Variants in MUC13 observed in about 807,000 individuals in gnomAD.
MUC13 encodes mucin-13.
MUC13 carries 32 observed loss-of-function variants against 48.3 expected under a neutral mutation model. That is an observed-to-expected ratio of 0.66 (90% CI 0.50 to 0.89). MUC13 has a LOEUF of 0.89. Ranked by LOEUF, MUC13 falls within the 40% of genes least tolerant of loss-of-function variation. The pLI is 0.00. For missense variants in MUC13, 571 were observed against 622.8 expected (o/e 0.92, Z 0.88); for synonymous variants, 199 against 224.9 (o/e 0.88, Z 1.03).
At chr3:124,908,717 TC>T (rs1306962364) in intron 10 of MUC13, among the ~76,000 whole-genome samples, 1 of 152,236 alleles carries the variant, frequency 6.6e-6, no homozygotes, top group Non-Finnish European at 1.5e-5. Context: ...TCAATGCTGA[TC>T]CAACATAACA....
chr3:124,910,923 A>G (rs1211314889), intron 9 of MUC13, among the ~76,000 whole-genome samples: 2 of 152,162 alleles, frequency 1.3e-5, no homozygotes, highest in Non-Finnish European at 2.9e-5. Flanking sequence ...TGGCTTGATA[A>G]TAACATCAAT....
chr3:124,908,338 T>C lies in MUC13; in HGVS notation c.1348A>G (p.Lys450Glu), dbSNP rs944518385. ...TTCTCTTCTTCAATATGCTTCGTTT[T>C]GTTATTTGATCTGTAATCAGTAAGA... ...ALIVTARSNNKTKHIEEENLI... is the reference protein window; with the variant it reads ...ALIVTARSNNETKHIEEENLI... Residue 450 changes from lysine to glutamate, a missense_variant, in exon 11 of 12, where the codon AAA becomes GAA. By Grantham distance (56) the Lys-to-Glu change is moderately conservative (BLOSUM62 1). Transcript: ENST00000616727. 3 of 1,614,104 alleles carry C rather than the reference T, an allele frequency of 1.9e-6. No individual in the cohort carries two copies. The highest frequency in any genetic ancestry group is 2.5e-6 in the Non-Finnish European group (3 of 1,179,946).
chr3:124,926,386 C>T (rs111715468), intron 2 of MUC13, among the ~76,000 whole-genome samples: 11 of 152,272 alleles, frequency 7.2e-5, no homozygotes, highest in African/African-American at 1.9e-4. Flanking sequence ...GAACACCTGG[C>T]GAAGCAGAAA....
In MUC13 at chr3:124,920,137, G is replaced by A. The variant is rs931607146; in HGVS notation, c.800+97C>T. On this transcript the variant is annotated intron_variant, in intron 5 of 11. Transcript: ENST00000616727. ...ACCCTCTCCTCTTAACTTGTGACTT[G>A]CCACAGAGGGCCTTAATGTTACATG... 27 of 1,009,240 alleles carry A rather than the reference G, an allele frequency of 2.7e-5. No homozygotes were observed. In the Admixed American group the frequency reaches 2.7e-4, roughly 10 times the overall value. The allele number at this position is 1,009,240 out of a possible 1,614,324, so 62.5% of individuals were successfully genotyped here. A position where few individuals can be genotyped will look rare whatever the true frequency, so the allele number is the denominator to read the frequency against.
rs150774998 is a variant in MUC13 at position 124,907,415 on chromosome 3, A to T, written c.*1-673T>A. 8.9e-4 allele frequency among the ~76,000 whole-genome samples: 136 copies of T among 152,258 alleles called. 2 individuals are homozygous for T. The East Asian group carries it at 0.018, about 21-fold the overall frequency. On this transcript the variant is annotated intron_variant, in intron 11 of 11. Coordinates refer to ENST00000616727, the MANE Select transcript of MUC13 (RefSeq NM_033049.4). Reference sequence around the variant, plus strand: ...AGGATCACTTGAGCTTAGGAATTTGAGACCAGCCTGGGCAACATGGCAGAA... The same window carrying T: ...AGGATCACTTGAGCTTAGGAATTTGTGACCAGCCTGGGCAACATGGCAGAA...
At position 124,920,230 on chromosome 3, in the gene MUC13, T is replaced by A; in HGVS notation, c.800+4A>T. The A allele has an allele frequency of 2.5e-6, 4 of 1,603,712 alleles. No homozygotes were observed. The highest frequency in any genetic ancestry group is 3.4e-6 in the Non-Finnish European group (4 of 1,173,670). On this transcript the variant is annotated splice_donor_region_variant and intron_variant, in intron 5 of 11. Coordinates refer to ENST00000616727, the MANE Select transcript of MUC13 (RefSeq NM_033049.4). ...GCCTCCAAAATTGTCCATAACAAAC[T>A]TACCTTACAGTAAGAATTACAGTCT...
chr3:124,912,209 C>G, intron 8 of MUC13, 68 bp from the exon 9 acceptor site: 1 of 1,584,738 alleles, frequency 6.3e-7, no homozygotes, highest in African/African-American at 1.3e-5. Context: ...AGAGTTCCCA[C>G]CCCAATCTCC....
chr3:124,907,197 G>C (rs1227769221), intron 11 of MUC13, among the ~76,000 whole-genome samples: 1 of 152,088 alleles, frequency 6.6e-6, no homozygotes, highest in African/African-American at 2.4e-5. Context: ...TTGTAAAAAT[G>C]GGGTCTCATT....
intron 5 of MUC13, among the ~76,000 whole-genome samples, chr3:124,917,496 G>A (rs182304119): frequency 1.1e-4 from 17 of 147,900 alleles, no homozygotes; most frequent in Admixed American, 2.0e-4. Context: ...ACAGGCACGC[G>A]CCACCGTGCC....
At chr3:124,933,102 C>A (rs572041084) in intron 1 of MUC13, among the ~76,000 whole-genome samples, 2 of 151,978 alleles carry the variant, frequency 1.3e-5, no homozygotes, top group African/African-American at 4.8e-5. Context: ...TCTGGTGAGC[C>A]CTCCCCTCCT....
chr3:124,925,092 T>C (rs1443251513), intron 2 of MUC13, among the ~76,000 whole-genome samples: 1 of 152,186 alleles, frequency 6.6e-6, no homozygotes, highest in Admixed American at 6.5e-5. Flanking sequence ...TACCGTTCAG[T>C]AGGTGAATGG....
At chr3:124,907,988 G>A (rs1317776338) in intron 11 of MUC13, among the ~76,000 whole-genome samples, 159 bp downstream of exon 11, 2 of 152,118 alleles carry the variant, frequency 1.3e-5, no homozygotes, top group African/African-American at 4.8e-5. Context: ...CGACAGCAGG[G>A]AACTTCCTTT....
chr3:124,913,712 T>C (rs772335951), intron 6 of MUC13, 31 bp from the exon 7 acceptor site: 2 of 1,613,492 alleles, frequency 1.2e-6, no homozygotes, highest in Admixed American at 3.3e-5. Flanking sequence ...AAAAATATAT[T>C]CAGCATGACA....
intron 5 of MUC13, among the ~76,000 whole-genome samples, chr3:124,918,189 G>C (rs78270487): frequency 7.9e-5 from 12 of 152,128 alleles, no homozygotes; most frequent in Non-Finnish European, 1.8e-4. Flanking sequence ...GGGAGTCAGA[G>C]GGGAGAGACA....
intron 2 of MUC13, among the ~76,000 whole-genome samples, chr3:124,926,926 A>C (rs1401347796): frequency 6.6e-6 from 1 of 152,216 alleles, no homozygotes; most frequent in Non-Finnish European, 1.5e-5. Context: ...TTCCTGTTTC[A>C]TTAACTTCTG....
chr3:124,915,395 C>T (rs1031548951), intron 6 of MUC13, among the ~76,000 whole-genome samples: 5 of 152,208 alleles, frequency 3.3e-5, no homozygotes, highest in African/African-American at 1.2e-4. Flanking sequence ...TTGAATCTTA[C>T]CCTCTTGCTG....
At chr3:124,929,792 C>A (rs1160099636) in intron 1 of MUC13, among the ~76,000 whole-genome samples, 1 of 152,154 alleles carries the variant, frequency 6.6e-6, no homozygotes, top group Non-Finnish European at 1.5e-5. Context: ...AGAGGCAAAG[C>A]CAGGTCTGTG....
At chr3:124,908,385 C>A in intron 10 of MUC13, 37 bp from the exon 11 acceptor site, 2 of 1,517,342 alleles carry the variant, frequency 1.3e-6, no homozygotes, top group Non-Finnish European at 1.8e-6. Flanking sequence ...TTGACAATGG[C>A]AGAAAGTTTC....
Position 124,923,560 on chromosome 3 carries a change from C to A in MUC13, c.604G>T (p.Gly202Trp). 2 of 1,613,928 alleles carry A rather than the reference C, an allele frequency of 1.2e-6. No individual in the cohort carries two copies. Among genetic ancestry groups the A allele is most frequent in the Non-Finnish European group, 1.7e-6 (2 of 1,179,886 alleles). The change falls in exon 3 of 12, where the codon GGG becomes TGG. Residue 202 changes from glycine (G) to tryptophan (W), a missense_variant. Coordinates refer to ENST00000616727, the MANE Select transcript of MUC13 (RefSeq NM_033049.4). ...HNTSFCLCLE[G>W]YYYNSSTCKK... The stretch of plus-strand genomic sequence containing the variant: ...CATGTAGAAGAGTTGTAGTAATACC[C>A]TTCTAAACACAGGCAAAAACTTGTA...
Sources: gnomAD v4.1 joint callset for allele counts (sites outside exome capture counted in the v4.1 genomes callset) on GRCh38, gnomAD v4.1.1 for gene constraint, MANE v1.5 for transcripts, NCBI Gene and HGNC (gene_info 2026-07-23, HGNC 2026-07-21) for gene names.